The following MYO1E variants were observed in gnomAD, a reference collection of about 807,000 sequenced individuals.
MYO1E encodes the protein unconventional myosin-Ie.
In MYO1E, 68 loss-of-function variants were observed where a neutral mutation model predicts 151.1. That is an observed-to-expected ratio of 0.45 (90% CI 0.37 to 0.55). The LOEUF is 0.55. Among genes scored for constraint, MYO1E ranks in the 20% least tolerant of loss-of-function variants. The pLI is 0.00. For synonymous variants in MYO1E, 601 were observed against 501.7 expected, an observed-to-expected ratio of 1.20 and a Z score of -2.64; for missense variants, 1,363 against 1,389.3, an observed-to-expected ratio of 0.98 and a Z score of 0.30.
At chr15:59,295,534 G>A (rs2080443602) in intron 1 of MYO1E, among the ~76,000 whole-genome samples, 1 of 152,210 alleles carries the variant, frequency 6.6e-6, no homozygotes, top group Non-Finnish European at 1.5e-5. Context: ...TGCAGCCCAG[G>A]TCATGCAGAA....
chr15:59,206,677 C>T, intron 14 of MYO1E: 1 of 478,308 alleles, frequency 2.1e-6, no homozygotes. Flanking sequence ...AGCATGTCAA[C>T]TATTGATAAT....
intron 1 of MYO1E, among the ~76,000 whole-genome samples, chr15:59,286,651 C>T (rs2080389388): frequency 6.6e-6 from 1 of 152,124 alleles, no homozygotes; most frequent in Admixed American, 6.6e-5. Context: ...TCCAGGGAAA[C>T]AAGCCAAGCT....
rs746531140 is a variant in MYO1E, at chr15:59,261,410, C to T, written c.237+10G>A. On this transcript the variant is annotated intron_variant, in intron 3 of 27. Coordinates refer to ENST00000288235, the MANE Select transcript of MYO1E (RefSeq NM_004998.4). ...AAATAAGGCAGTAATTTATGTGACA[C>T]GTAACTTACCGCTCCTTGGTACATT... 40 of 1,587,538 alleles carry T rather than the reference C, an allele frequency of 2.5e-5. 1 individual carries two copies. In the South Asian group the frequency reaches 3.3e-4, roughly 13 times the overall value.
At chr15:59,369,249 G>A (rs908975467) in intron 1 of MYO1E, among the ~76,000 whole-genome samples, 2 of 152,160 alleles carry the variant, frequency 1.3e-5, no homozygotes, top group African/African-American at 2.4e-5. Context: ...GTATTCTTAT[G>A]TGTCATATCT....
intron 7 of MYO1E, among the ~76,000 whole-genome samples, chr15:59,225,928 G>A (rs1196539030): frequency 2.0e-5 from 3 of 152,126 alleles, no homozygotes; most frequent in African/African-American, 7.2e-5. Context: ...TTACAGGCGT[G>A]AGCCACCGCA....
chr15:59,165,054 G>A (rs1348383538), intron 22 of MYO1E, among the ~76,000 whole-genome samples: 2 of 152,188 alleles, frequency 1.3e-5, no homozygotes, highest in Admixed American at 1.3e-4. Flanking sequence ...GCCTTCACCA[G>A]ACACCACATC....
At chr15:59,155,139 G>A (rs1358100349) in intron 25 of MYO1E, among the ~76,000 whole-genome samples, 1 of 152,104 alleles carries the variant, frequency 6.6e-6, no homozygotes, top group Non-Finnish European at 1.5e-5. Context: ...ACATGCCCTC[G>A]GGATGTCACA....
Position 59,218,092 on chromosome 15 carries a change from A to G in MYO1E, c.911-5T>C, listed in dbSNP as rs760561113. 6.2e-7 allele frequency: 1 copy of G among 1,614,144 alleles called. No individual in the cohort carries two copies. Among genetic ancestry groups the G allele is most frequent in the South Asian group, 1.1e-5 (1 of 91,086 alleles). ...GATATGCAGGAAAAGCTAAAACTGTAGAACATAAAACAAAACATGACAATC... is the reference window on the plus strand; with the variant it reads ...GATATGCAGGAAAAGCTAAAACTGTGGAACATAAAACAAAACATGACAATC... On this transcript the variant is annotated splice_polypyrimidine_tract_variant and splice_region_variant and intron_variant, in intron 9 of 27. Transcript: ENST00000288235.
rs554781434 is a variant in MYO1E, at chr15:59,325,762, G to C, written c.3+46736C>G. Among the ~76,000 whole-genome samples the C allele has an allele frequency of 3.7e-4, 56 of 152,296 alleles. No individual in the cohort carries two copies. In the South Asian group the frequency reaches 0.011, roughly 31 times the overall value. ...ATACTGCTGTGCTTGGTGAGCACAG[G>C]AGCAGGTGTCCATTTCCATGGCATC... On this transcript the variant is annotated intron_variant, in intron 1 of 27. Transcript: ENST00000288235.
At chr15:59,216,138 G>C (rs531242422) in intron 10 of MYO1E, among the ~76,000 whole-genome samples, 2 of 152,236 alleles carry the variant, frequency 1.3e-5, no homozygotes, top group South Asian at 2.1e-4. Context: ...ATCAAATACA[G>C]ATCTTTTGGA....
intron 19 of MYO1E, among the ~76,000 whole-genome samples, chr15:59,176,956 C>G (rs1247207837): frequency 6.6e-6 from 1 of 152,030 alleles, no homozygotes; most frequent in Non-Finnish European, 1.5e-5. Flanking sequence ...AAAAATAAAT[C>G]TTGATTTTGA....
rs1264890214 is a variant in MYO1E, at chr15:59,372,508, C to T, written c.-8G>A. On this transcript the variant is annotated 5_prime_UTR_variant, in exon 1 of 28. Transcript: ENST00000288235. Reference sequence around the variant, plus strand: ...GCGCGGCCAACTCACCATGGTGACTCGCGCCGCGGTCGCGTCTTCGCCGGG... The same window carrying T: ...GCGCGGCCAACTCACCATGGTGACTTGCGCCGCGGTCGCGTCTTCGCCGGG... 1 of 1,536,786 alleles carries T rather than the reference C, an allele frequency of 6.5e-7. No individual in the cohort carries two copies. Among genetic ancestry groups the T allele is most frequent in the Non-Finnish European group, 8.8e-7 (1 of 1,142,142 alleles).
At chr15:59,215,157 C>T (rs2079905283) in intron 10 of MYO1E, among the ~76,000 whole-genome samples, 1 of 152,144 alleles carries the variant, frequency 6.6e-6, no homozygotes, top group South Asian at 2.1e-4. Flanking sequence ...GCCAGGGATG[C>T]TAAGGACAAG....
chr15:59,229,133 C>G (rs1161971129), intron 6 of MYO1E, among the ~76,000 whole-genome samples: 1 of 152,206 alleles, frequency 6.6e-6, no homozygotes. Context: ...TGCCTGTCCC[C>G]CATTCCTCAA....
At position 59,256,344 on chromosome 15, in the gene MYO1E, A is replaced by C; in HGVS notation, c.272T>G (p.Leu91Arg). 2 of 1,612,904 alleles carry C rather than the reference A, an allele frequency of 1.2e-6. No homozygotes were observed. Among genetic ancestry groups the C allele is most frequent in the East Asian group, 4.5e-5 (2 of 44,844 alleles). ...CATGTTTCTGTACATATTATCTGCA[A>C]GGGCATAGATATGTGGTGGGTTTTC... The part of the protein sequence containing the change: ...QYENPPHIYA[L>R]ADNMYRNMII... Residue 91 changes from leucine (L) to arginine (R), a missense_variant, in exon 4 of 28, where the codon CTT becomes CGT. Transcript: ENST00000288235.
intron 12 of MYO1E, among the ~76,000 whole-genome samples, chr15:59,210,896 C>T (rs1254032942): frequency 2.0e-5 from 3 of 151,952 alleles, no homozygotes; most frequent in African/African-American, 7.3e-5. Flanking sequence ...AAAAAAATCA[C>T]AAAACTCTTA....
chr15:59,213,971 T>C (rs181030236), intron 12 of MYO1E, among the ~76,000 whole-genome samples: 9 of 152,300 alleles, frequency 5.9e-5, no homozygotes, highest in Middle Eastern at 3.4e-3. Context: ...AATGAGTCAG[T>C]AGAGTAAAAG....
intron 1 of MYO1E, among the ~76,000 whole-genome samples, chr15:59,342,810 G>A (rs952389894): frequency 6.6e-6 from 1 of 151,972 alleles, no homozygotes; most frequent in African/African-American, 2.4e-5. Context: ...GTTACCATGA[G>A]GCTTGCAAAT....
chr15:59,355,621 G>A (rs985413995), intron 1 of MYO1E, among the ~76,000 whole-genome samples: 1 of 152,270 alleles, frequency 6.6e-6, no homozygotes, highest in Admixed American at 6.5e-5. Flanking sequence ...AATTCAACCT[G>A]TCCTTCAAAA....
Sources: allele counts gnomAD v4.1 joint callset (sites outside exome capture counted in the v4.1 genomes callset), GRCh38; gene constraint gnomAD v4.1.1; transcripts MANE v1.5; gene names NCBI Gene and HGNC (gene_info 2026-07-23, HGNC 2026-07-21).